STXBP5L: variants seen among roughly 807,000 people sequenced by gnomAD.
STXBP5L encodes the protein syntaxin-binding protein 5-like.
A neutral mutation model predicts 144.5 loss-of-function variants in STXBP5L; 65 were observed. The observed-to-expected ratio is 0.45, with a 90% CI of 0.37 to 0.55. The LOEUF is 0.55. Among genes scored for constraint, STXBP5L ranks in the 20% least tolerant of loss-of-function variants. The pLI, the probability that STXBP5L is intolerant of heterozygous loss-of-function variation, is 0.00. For missense variants in STXBP5L, 1,298 were observed against 1,405.5 expected (o/e 0.92, Z 1.22); for synonymous variants, 505 against 469.6 (o/e 1.08, Z -0.97).
intron 9 of STXBP5L, among the ~76,000 whole-genome samples, chr3:121,204,255 G>C (rs1577202369): frequency 6.6e-6 from 1 of 152,058 alleles, no homozygotes; most frequent in East Asian, 1.9e-4. Context: ...AAAGACTATT[G>C]TTCAGACAAG....
At chr3:121,118,239 A>T (rs2044313493) in intron 6 of STXBP5L, among the ~76,000 whole-genome samples, 1 of 151,786 alleles carries the variant, frequency 6.6e-6, no homozygotes, top group Admixed American at 6.6e-5. Context: ...TAATATGGCA[A>T]TTCCATAAGA....
intron 19 of STXBP5L, among the ~76,000 whole-genome samples, chr3:121,313,239 G>A (rs1256906527): frequency 1.7e-4 from 22 of 131,100 alleles, no homozygotes; most frequent in Admixed American, 5.2e-4. Flanking sequence ...CCTCCCTCCC[G>A]GACGGGGCGG....
At chr3:121,041,820 C>A (rs746298055) in intron 4 of STXBP5L, 39 bp downstream of exon 4, 169 of 1,306,254 alleles carry the variant, frequency 1.3e-4, no homozygotes, top group Non-Finnish European at 1.8e-4. Context: ...CACACACTCC[C>A]CCACTACACA....
chr3:121,222,054 G>T (rs955346550), intron 10 of STXBP5L, among the ~76,000 whole-genome samples: 1 of 151,900 alleles, frequency 6.6e-6, no homozygotes, highest in Non-Finnish European at 1.5e-5. Context: ...ATGTAGATGA[G>T]CATTATATTC....
intron 3 of STXBP5L, among the ~76,000 whole-genome samples, chr3:120,962,418 T>A (rs1222661162): frequency 6.6e-6 from 1 of 152,228 alleles, no homozygotes; most frequent in East Asian, 1.9e-4. Flanking sequence ...AGGTCTCACA[T>A]GTAATTCTTT....
chr3:121,154,091 C>T (rs189246855), intron 8 of STXBP5L, among the ~76,000 whole-genome samples: 1 of 151,638 alleles, frequency 6.6e-6, no homozygotes, highest in African/African-American at 2.4e-5. Flanking sequence ...ACGTTTTGAG[C>T]CTTAAAAAGA....
intron 5 of STXBP5L, among the ~76,000 whole-genome samples, chr3:121,046,223 G>A (rs1225122903): frequency 6.6e-6 from 1 of 152,108 alleles, no homozygotes; most frequent in Non-Finnish European, 1.5e-5. Flanking sequence ...CTGCTTGAGT[G>A]TGGTTGATTA....
At chr3:121,208,466 A>T (rs1323961099) in intron 10 of STXBP5L, among the ~76,000 whole-genome samples, 1 of 152,192 alleles carries the variant, frequency 6.6e-6, no homozygotes, top group Non-Finnish European at 1.5e-5. Flanking sequence ...CAAGTACCCT[A>T]GAACTTAAAG....
At chr3:121,258,194 A>G (rs1439129465) in intron 17 of STXBP5L, among the ~76,000 whole-genome samples, 1 of 152,182 alleles carries the variant, frequency 6.6e-6, no homozygotes, top group East Asian at 1.9e-4. Flanking sequence ...ATAGAGTATA[A>G]ATTACTACTT....
At chr3:121,085,296 C>G (rs2107707839) in intron 5 of STXBP5L, among the ~76,000 whole-genome samples, 1 of 152,158 alleles carries the variant, frequency 6.6e-6, no homozygotes, top group East Asian at 1.9e-4. Flanking sequence ...TTGCCTGGGC[C>G]TATGTCCTGA....
At chr3:121,024,133 G>A (rs1383836330) in intron 3 of STXBP5L, among the ~76,000 whole-genome samples, 3 of 152,098 alleles carry the variant, frequency 2.0e-5, no homozygotes, top group Non-Finnish European at 4.4e-5. Context: ...AATCAAAAGA[G>A]AGGCCACAGA....
chr3:121,293,044 A>G lies in STXBP5L; in HGVS notation c.2110+13088A>G, dbSNP rs546707576. Reference sequence around the variant, plus strand: ...CCTATTAAAACGAAAAAAAAATTTTAAATTTTAAACACTAAAACAACTCAA... The same window carrying G: ...CCTATTAAAACGAAAAAAAAATTTTGAATTTTAAACACTAAAACAACTCAA... On this transcript the variant is annotated intron_variant, in intron 19 of 26. Transcript: ENST00000471454. 2.4e-4 allele frequency among the ~76,000 whole-genome samples: 36 copies of G among 152,360 alleles called. No homozygotes were observed. In the South Asian group the frequency reaches 4.1e-3, roughly 18 times the overall value.
intron 3 of STXBP5L, among the ~76,000 whole-genome samples, chr3:120,977,135 G>C (rs1576545891): frequency 6.6e-6 from 1 of 152,156 alleles, no homozygotes; most frequent in African/African-American, 2.4e-5. Context: ...GTCTAATGTT[G>C]ACAGTGGGGT....
chr3:121,033,869 A>G (rs1363779143), intron 3 of STXBP5L, among the ~76,000 whole-genome samples: 1 of 152,080 alleles, frequency 6.6e-6, no homozygotes, highest in Non-Finnish European at 1.5e-5. Context: ...AACATGAATT[A>G]AACTGATTAA....
rs1179081719 is a variant in STXBP5L at position 121,256,668 on chromosome 3, A to C, written c.1660-493A>C. Among the ~76,000 whole-genome samples, 4 of 152,098 alleles carry C rather than the reference A, an allele frequency of 2.6e-5. No homozygotes were observed. The East Asian group carries it at 5.8e-4, about 22-fold the overall frequency. On this transcript the variant is annotated intron_variant, in intron 16 of 26. Coordinates refer to ENST00000471454, the MANE Select transcript of STXBP5L (RefSeq NM_001308330.2). ...ATGCAATGAAAGTTTTTTATACTAAAAGGCTTTAAACAAGTAATTTTTTCA... is the reference window on the plus strand; with the variant it reads ...ATGCAATGAAAGTTTTTTATACTAACAGGCTTTAAACAAGTAATTTTTTCA...
At chr3:121,073,340 T>A (rs9855455) in intron 5 of STXBP5L, among the ~76,000 whole-genome samples, 15,127 of 152,192 alleles carry the variant, frequency 0.099, 1,186 homozygotes, top group Admixed American at 0.2. Flanking sequence ...TAGGGTTAGA[T>A]AGCCAGTGAT....
At chr3:121,081,689 G>T (rs2042255175) in intron 5 of STXBP5L, among the ~76,000 whole-genome samples, 1 of 152,128 alleles carries the variant, frequency 6.6e-6, no homozygotes, top group African/African-American at 2.4e-5. Context: ...AGGCCAATAG[G>T]GGTGGTATTC....
intron 11 of STXBP5L, among the ~76,000 whole-genome samples, chr3:121,227,526 G>C (rs760933802): frequency 6.6e-6 from 1 of 152,146 alleles, no homozygotes; most frequent in Non-Finnish European, 1.5e-5. Context: ...AAGCTGCAGC[G>C]ATCTATGATT....
chr3:120,924,003 A>G (rs1709485424), intron 2 of STXBP5L, among the ~76,000 whole-genome samples: 1 of 152,126 alleles, frequency 6.6e-6, no homozygotes, highest in Non-Finnish European at 1.5e-5. Context: ...TTATAATTAC[A>G]TTATACATTT....
Sources: allele counts gnomAD v4.1 joint callset (sites outside exome capture counted in the v4.1 genomes callset), GRCh38; gene constraint gnomAD v4.1.1; transcripts MANE v1.5; gene names NCBI Gene and HGNC (gene_info 2026-07-23, HGNC 2026-07-21).